PDE6G: variants seen among roughly 807,000 people sequenced by gnomAD.
PDE6G encodes rod cGMP 3',5'-cyclic phosphodiesterase subunit gamma.
In PDE6G, 10 loss-of-function variants were observed where a neutral mutation model predicts 10.9. The observed-to-expected ratio is 0.91, with a 90% CI of 0.56 to 1.55. The LOEUF is 1.55. PDE6G is among the 40% of genes most tolerant of loss of function. The pLI is 0.00. For synonymous variants in PDE6G, 41 were observed against 42.8 expected (o/e 0.96, Z 0.16); for missense variants, 102 against 110.1 (o/e 0.93, Z 0.33).
intron 1 of PDE6G, among the ~76,000 whole-genome samples, chr17:81,654,965 G>A (rs1285472675): frequency 6.6e-6 from 1 of 150,834 alleles, no homozygotes; most frequent in African/African-American, 2.4e-5. Flanking sequence ...CACCATGTTA[G>A]CCAGGATGGT....
upstream of PDE6G, among the ~76,000 whole-genome samples, chr17:81,661,394 G>T (rs577311141): frequency 4.6e-5 from 7 of 152,280 alleles, no homozygotes; most frequent in Non-Finnish European, 7.4e-5. Flanking sequence ...GGTCCCCAGT[G>T]AAACCCCACC....
At position 81,653,068 on chromosome 17, in the gene PDE6G, G is replaced by T; in HGVS notation, c.146+92C>A. The T allele has an allele frequency of 6.9e-7, 1 of 1,450,916 alleles. No individual in the cohort carries two copies. Among genetic ancestry groups the T allele is most frequent in the Non-Finnish European group, 9.7e-7 (1 of 1,032,870 alleles). The allele number at this position is 1,450,916 out of a possible 1,614,324, so 89.9% of individuals were successfully genotyped here. A position where few individuals can be genotyped will look rare whatever the true frequency, so the allele number is the denominator to read the frequency against. ...AGGCTGGGACCACTCACCCAGTGAA[G>T]TGGCCCCAGGCTCTGCCCCGCCCTC... On this transcript the variant is annotated intron_variant, in intron 2 of 3. Transcript: ENST00000331056. This position sits in a 1 kb window ranked among gnomAD's most constrained non-coding sequence, Gnocchi z 5.2.
chr17:81,655,481 A>T (rs1255082293), intron 1 of PDE6G, among the ~76,000 whole-genome samples: 1 of 152,210 alleles, frequency 6.6e-6, no homozygotes. Flanking sequence ...GCTCTGGACG[A>T]GATCAGTGTC....
In PDE6G at chr17:81,651,200, C is replaced by T. The variant is rs372615949; in HGVS notation, c.188-50G>A. 3,026 of 1,321,978 alleles carry T rather than the reference C, an allele frequency of 2.3e-3. 9 individuals carry two copies. Among genetic ancestry groups the T allele is most frequent in the Non-Finnish European group, 2.7e-3 (2,488 of 916,424 alleles). 81.9% of individuals were successfully genotyped at this position (1,321,978 alleles called of 1,614,324 possible). A position where few individuals can be genotyped will look rare whatever the true frequency, so the allele number is the denominator to read the frequency against. ...CAGAGAGGATCCCACGGCCTAGGGA[C>T]CCCCCCATCCCCTGTGGCCCTGTTT... On this transcript the variant is annotated intron_variant, in intron 3 of 3. Coordinates refer to ENST00000331056, the MANE Select transcript of PDE6G (RefSeq NM_002602.4). The surrounding 1 kb of genome is among the most constrained non-coding windows in gnomAD (Gnocchi z 4.8).
upstream of PDE6G, among the ~76,000 whole-genome samples, chr17:81,661,541 AC>A (rs1283007795): frequency 6.6e-6 from 1 of 151,874 alleles, no homozygotes; most frequent in Non-Finnish European, 1.5e-5. Context: ...ATATGGTGAA[AC>A]CCCGTCTCTA....
At chr17:81,663,092 A>C (rs563929666) in exon 1 of PDE6G, 3 of 152,246 alleles carry the variant, frequency 2.0e-5, no homozygotes, top group Admixed American at 6.5e-5. Context: ...GTGCGTCGGC[A>C]AGGCCGCCCA....
rs1336256553 is a variant in PDE6G at position 81,653,161 on chromosome 17, C to A, written c.145G>T (p.Gly49Trp). 4 of 1,614,096 alleles carry A rather than the reference C, an allele frequency of 2.5e-6. No individual in the cohort carries two copies. ...GCCCCATCCCCCAGCTCTGCTTACC[C>A]TTGAACGCCTTTCTTTGGGGGCTTG... ...KSKPPKKGVQ[G>W]FGDDIPGMEG... Residue 49 changes from glycine (G) to tryptophan (W), a missense_variant and splice_region_variant, in exon 2 of 4, where the codon GGG (glycine) becomes TGG (tryptophan). By Grantham distance (184) the Gly-to-Trp change is radical. Coordinates refer to ENST00000331056, the MANE Select transcript of PDE6G (RefSeq NM_002602.4). The surrounding 1 kb of genome is among the most constrained non-coding windows in gnomAD (Gnocchi z 5.2).
intron 1 of PDE6G, among the ~76,000 whole-genome samples, chr17:81,654,653 A>T (rs7405799): frequency 0.43 from 64,908 of 151,254 alleles, 15,175 homozygotes; most frequent in East Asian, 0.77. Context: ...AAGTGCAGGG[A>T]TTACAGGCGT....
intron 1 of PDE6G, among the ~76,000 whole-genome samples, chr17:81,654,282 C>A (rs769064817): frequency 5.3e-5 from 8 of 152,138 alleles, no homozygotes; most frequent in Non-Finnish European, 1.2e-4. Flanking sequence ...CCTGCAGCCA[C>A]TGTGTCCTTA....
chr17:81,651,615 AC>A lies in PDE6G; in HGVS notation c.187+29del. 6.2e-7 allele frequency: 1 copy of A among 1,612,258 alleles called. No individual in the cohort carries two copies. On this transcript the variant is annotated intron_variant, in intron 3 of 3. Coordinates refer to ENST00000331056, the MANE Select transcript of PDE6G (RefSeq NM_002602.4). This position sits in a 1 kb window ranked among gnomAD's most constrained non-coding sequence, Gnocchi z 4.8. ...GGTGTGCCTGGGGGGACCTGGGCAG[AC>A]CTCGGGTTGGTACTGGCAGCCGTCA...
chr17:81,657,928 G>A (rs1286953935), upstream of PDE6G, among the ~76,000 whole-genome samples: 2 of 151,744 alleles, frequency 1.3e-5, no homozygotes, highest in African/African-American at 4.8e-5. Context: ...CCCATAACTC[G>A]GCCGGGAGCA....
Position 81,650,777 on chromosome 17 carries a change from C to G in PDE6G, c.*297G>C, listed in dbSNP as rs1319255593. On this transcript the variant is annotated 3_prime_UTR_variant, in exon 4 of 4. Transcript: ENST00000331056. ...GGCTCCCGGGCTGGGGTCCACTTCCCGTTCTCCCTGGGAGTGGAGACCGAC... is the reference window on the plus strand; with the variant it reads ...GGCTCCCGGGCTGGGGTCCACTTCCGGTTCTCCCTGGGAGTGGAGACCGAC... 3.9e-6 allele frequency: 2 copies of G among 509,142 alleles called. No homozygotes were observed. The highest frequency in any genetic ancestry group is 7.6e-6 in the Non-Finnish European group (2 of 261,640). The allele number at this position is 509,142 out of a possible 1,614,324, so 31.5% of individuals were successfully genotyped here. A position where few individuals can be genotyped will look rare whatever the true frequency, so the allele number is the denominator to read the frequency against.
rs1407781341 is a variant in PDE6G, at chr17:81,650,720, G to C, written c.*354C>G. The stretch of plus-strand genomic sequence containing the variant: ...TGGGGAGACCTGCCCTAGCTTTCCA[G>C]CTGGGAGGAGGGGACGATCTGGGGT... On this transcript the variant is annotated 3_prime_UTR_variant, in exon 4 of 4. Transcript: ENST00000331056. The C allele has an allele frequency of 4.3e-6, 2 of 460,874 alleles. No homozygotes were observed. The highest frequency in any genetic ancestry group is 8.7e-6 in the Non-Finnish European group (2 of 230,376). 28.5% of individuals were successfully genotyped at this position (460,874 alleles called of 1,614,324 possible).
upstream of PDE6G, among the ~76,000 whole-genome samples, chr17:81,658,844 A>C (rs1237487400): frequency 2.0e-5 from 3 of 152,194 alleles, no homozygotes; most frequent in African/African-American, 7.2e-5. Context: ...GTCTCAAAAA[A>C]TAATAATAAA....
In PDE6G at chr17:81,651,148, T is replaced by C; in HGVS notation, c.190A>G (p.Ile64Val). The C allele has an allele frequency of 2.5e-6, 4 of 1,612,746 alleles. No individual in the cohort carries two copies. Among genetic ancestry groups the C allele is most frequent in the Non-Finnish European group, 3.4e-6 (4 of 1,178,766 alleles). The change falls in exon 4 of 4, where the codon ATC becomes GTC. Residue 64 changes from isoleucine (I) to valine (V), a missense_variant and splice_region_variant. Coordinates refer to ENST00000331056, the MANE Select transcript of PDE6G (RefSeq NM_002602.4). The surrounding 1 kb of genome is among the most constrained non-coding windows in gnomAD (Gnocchi z 4.8). ...GCCTCCCAAGGGCAGATGACTGTGA[T>C]GTCTGTGGGAGAAACGGGCCACGGA... ...IPGMEGLGTD[I>V]TVICPWEAFN...
chr17:81,662,826 C>T (rs1321032808), intron 1 of PDE6G, among the ~76,000 whole-genome samples: 3 of 151,788 alleles, frequency 2.0e-5, no homozygotes, highest in Admixed American at 1.3e-4. Flanking sequence ...GGCGAAACCC[C>T]GTCTCTAGTA....
At chr17:81,661,441 G>T (rs544695241), upstream of PDE6G, among the ~76,000 whole-genome samples, 1 of 152,362 alleles carries the variant, frequency 6.6e-6, no homozygotes, top group Non-Finnish European at 1.5e-5. Flanking sequence ...AGCCAGCCAG[G>T]CACAGTGGCT....
intron 1 of PDE6G, among the ~76,000 whole-genome samples, chr17:81,655,015 CCAAAG>C (rs911219943): frequency 1.3e-5 from 2 of 152,026 alleles, no homozygotes; most frequent in Admixed American, 6.6e-5. Flanking sequence ...CCTTGGCCTC[CCAAAG>C]TGCTGGGATT....
intron 1 of PDE6G, among the ~76,000 whole-genome samples, chr17:81,662,897 G>A (rs1372644863): frequency 6.6e-6 from 1 of 152,192 alleles, no homozygotes; most frequent in African/African-American, 2.4e-5. Flanking sequence ...TACTTGTGTG[G>A]CTGAGGCAGG....
Sources: allele counts gnomAD v4.1 joint callset (sites outside exome capture counted in the v4.1 genomes callset), GRCh38; gene constraint gnomAD v4.1.1; non-coding constraint Gnocchi (gnomAD v3.1); transcripts MANE v1.5; gene names NCBI Gene and HGNC (gene_info 2026-07-23, HGNC 2026-07-21).